The following CFDP1 variants were observed in gnomAD, a reference collection of about 807,000 sequenced individuals.
The protein encoded by CFDP1 is chromatin remodeling protein CFDP1, also known as heterochromatin-stabilizing protein CFDP1.
CFDP1 carries 31 observed loss-of-function variants against 40.1 expected under a neutral mutation model. That is an observed-to-expected ratio of 0.77 (90% confidence interval 0.58 to 1.04). CFDP1 has a LOEUF of 1.04. Among genes scored for constraint, CFDP1 ranks in the 50% least tolerant of loss-of-function variants. CFDP1 has a pLI of 0.00. For synonymous variants in CFDP1, 167 were observed against 120.0 expected, an observed-to-expected ratio of 1.39 and a Z score of -2.56; for missense variants, 423 against 343.4, an observed-to-expected ratio of 1.23 and a Z score of -1.83.
intron 4 of CFDP1, among the ~76,000 whole-genome samples, chr16:75,401,817 C>T (rs1356517800): frequency 6.6e-6 from 1 of 151,176 alleles, no homozygotes; most frequent in Non-Finnish European, 1.5e-5. Context: ...TGAAAAGCAA[C>T]CTAGATCCAA....
At chr16:75,304,885 T>TA in intron 6 of CFDP1, 139 bp downstream of exon 6, 1 of 928,588 alleles carries the variant, frequency 1.1e-6, no homozygotes, top group South Asian at 1.6e-5. Flanking sequence ...AGAGACTTAC[T>TA]GACAAACCAA....
chr16:75,311,402 GT>G, intron 5 of CFDP1, among the ~76,000 whole-genome samples: 1 of 152,268 alleles, frequency 6.6e-6, no homozygotes, highest in Non-Finnish European at 1.5e-5. Context: ...GCCTCTCAAA[GT>G]GCTGGGATTA....
rs570269320 is a variant in CFDP1 at position 75,332,230 on chromosome 16, C to T, written c.651-27048G>A. On this transcript the variant is annotated intron_variant, in intron 5 of 6. Transcript: ENST00000283882. ...CTGTAATCCCAGCACTTTGGGAGGCCGAGGTGGGCGGATCACCTGAGGTCA... is the reference window on the plus strand; with the variant it reads ...CTGTAATCCCAGCACTTTGGGAGGCTGAGGTGGGCGGATCACCTGAGGTCA... Among the ~76,000 whole-genome samples, 67 of 152,148 alleles carry T rather than the reference C, an allele frequency of 4.4e-4. 1 individual carries two copies. The highest frequency in any genetic ancestry group is 3.4e-3 in the Middle Eastern group (1 of 294).
chr16:75,356,049 A>C (rs1368266156), intron 5 of CFDP1, among the ~76,000 whole-genome samples: 1 of 152,192 alleles, frequency 6.6e-6, no homozygotes, highest in East Asian at 1.9e-4. Flanking sequence ...AACTTCTTCT[A>C]AACTCCTGTT....
intron 5 of CFDP1, among the ~76,000 whole-genome samples, chr16:75,314,476 A>T (rs1422055648): frequency 1.3e-5 from 2 of 152,078 alleles, no homozygotes; most frequent in African/African-American, 4.8e-5. Context: ...AGAAATGGGG[A>T]TAGGAGTTGG....
At chr16:75,397,288 G>A (rs2079003231) in intron 4 of CFDP1, among the ~76,000 whole-genome samples, 1 of 151,652 alleles carries the variant, frequency 6.6e-6, no homozygotes, top group Non-Finnish European at 1.5e-5. Flanking sequence ...GCCAAAGTGG[G>A]CAGATCATTT....
At chr16:75,325,518 T>C (rs988392544) in intron 5 of CFDP1, among the ~76,000 whole-genome samples, 1 of 152,234 alleles carries the variant, frequency 6.6e-6, no homozygotes, top group East Asian at 1.9e-4. Flanking sequence ...CTTTTCTCTA[T>C]CACACTTAGC....
At chr16:75,376,192 C>T (rs772690909) in intron 5 of CFDP1, among the ~76,000 whole-genome samples, 2 of 152,196 alleles carry the variant, frequency 1.3e-5, no homozygotes, top group Non-Finnish European at 2.9e-5. Context: ...GCCTGAGTGA[C>T]AGAGCAAGAC....
At chr16:75,373,399 T>A (rs1209276971) in intron 5 of CFDP1, among the ~76,000 whole-genome samples, 1 of 152,216 alleles carries the variant, frequency 6.6e-6, no homozygotes, top group African/African-American at 2.4e-5. Context: ...AAAGGTTGTT[T>A]TGTACTAAAA....
intron 1 of CFDP1, among the ~76,000 whole-genome samples, chr16:75,422,642 A>G (rs1008050480): frequency 3.5e-4 from 51 of 145,726 alleles, no homozygotes; most frequent in African/African-American, 1.3e-3. Context: ...TGATCCACCC[A>G]CTTCAGCCTC....
chr16:75,404,532 G>A (rs2079082584), intron 4 of CFDP1, among the ~76,000 whole-genome samples: 1 of 152,186 alleles, frequency 6.6e-6, no homozygotes, highest in African/African-American at 2.4e-5. Flanking sequence ...CAAAGGTACT[G>A]TCTTAAGATA....
intron 5 of CFDP1, among the ~76,000 whole-genome samples, chr16:75,355,109 T>C (rs550615734): frequency 2.6e-5 from 4 of 152,340 alleles, no homozygotes; most frequent in Admixed American, 6.5e-5. Context: ...TTTTAAAATA[T>C]TGCTAAAAAT....
intron 1 of CFDP1, among the ~76,000 whole-genome samples, chr16:75,422,906 G>A (rs2079296302): frequency 6.6e-6 from 1 of 151,858 alleles, no homozygotes; most frequent in Non-Finnish European, 1.5e-5. Context: ...CACTTTGGGA[G>A]GCTAAGGCAG....
At chr16:75,315,457 TTTC>T (rs2078318395) in intron 5 of CFDP1, among the ~76,000 whole-genome samples, 1 of 152,076 alleles carries the variant, frequency 6.6e-6, no homozygotes. Context: ...ACTCTTGCTT[TTTC>T]TTCTTTGTTT....
intron 5 of CFDP1, among the ~76,000 whole-genome samples, chr16:75,372,860 G>A (rs909678441): frequency 3.3e-5 from 5 of 152,146 alleles, no homozygotes; most frequent in African/African-American, 1.2e-4. Flanking sequence ...ACATGTGAGG[G>A]AGGAGAAAAT....
intron 6 of CFDP1, among the ~76,000 whole-genome samples, chr16:75,302,486 A>G (rs1165211945): frequency 6.6e-6 from 1 of 152,180 alleles, no homozygotes; most frequent in Non-Finnish European, 1.5e-5. Flanking sequence ...CCTGAGCTCA[A>G]GCAGTCCTCC....
At chr16:75,303,495 G>T (rs2078236985) in intron 6 of CFDP1, among the ~76,000 whole-genome samples, 2 of 100,266 alleles carry the variant, frequency 2.0e-5, no homozygotes, top group Non-Finnish European at 2.1e-5. Flanking sequence ...GCCTAATTTA[G>T]AAATATGACC....
rs546564597 is a variant in CFDP1 at position 75,325,448 on chromosome 16, T to C, written c.651-20266A>G. On this transcript the variant is annotated intron_variant, in intron 5 of 6. Transcript: ENST00000283882. ...TGAGGCTTATGCTGATCATCCTATT[T>C]AATACTGCAAGCTTCCTCTTCATCC... Among the ~76,000 whole-genome samples the C allele has an allele frequency of 8.5e-5, 13 of 152,348 alleles. 1 individual carries two copies. Among genetic ancestry groups the C allele is most frequent in the Admixed American group, 6.5e-4 (10 of 15,300 alleles).
intron 4 of CFDP1, among the ~76,000 whole-genome samples, chr16:75,402,271 T>G (rs1038909425): frequency 6.6e-6 from 1 of 152,180 alleles, no homozygotes; most frequent in Non-Finnish European, 1.5e-5. Flanking sequence ...ATTCAAGTGT[T>G]CTCAACAGAA....
Sources: gnomAD v4.1 joint callset for allele counts (sites outside exome capture counted in the v4.1 genomes callset) on GRCh38, gnomAD v4.1.1 for gene constraint, MANE v1.5 for transcripts, NCBI Gene and HGNC (gene_info 2026-07-23, HGNC 2026-07-21) for gene names.